BORCS5: variants seen among roughly 807,000 people sequenced by gnomAD.
BORCS5 encodes the protein BLOC-1 related complex subunit 5, also known as BLOC-1-related complex subunit 5.
In BORCS5, 17 loss-of-function variants were observed where a neutral mutation model predicts 22.1. The observed-to-expected ratio is 0.77, with a 90% CI of 0.53 to 1.15. The LOEUF is 1.15. Ranked by LOEUF, BORCS5 falls within the 50% of genes most tolerant of loss-of-function variation. The pLI, the probability that BORCS5 is intolerant of heterozygous loss-of-function variation, is 0.00. For missense variants in BORCS5, 247 were observed against 253.2 expected (o/e 0.98, Z 0.17); for synonymous variants, 117 against 99.8 (o/e 1.17, Z -1.03).
At chr12:12,453,583 C>T (rs1397952368) in intron 3 of BORCS5, among the ~76,000 whole-genome samples, 2 of 152,128 alleles carry the variant, frequency 1.3e-5, no homozygotes, top group Non-Finnish European at 2.9e-5. Flanking sequence ...GAGTCCAAGT[C>T]AGATTTAAAG....
At position 12,369,093 on chromosome 12, in the gene BORCS5, C is replaced by T. The variant is rs191298019; in HGVS notation, c.202+7744C>T. Among the ~76,000 whole-genome samples the T allele has an allele frequency of 5.1e-3, 773 of 152,132 alleles. 2 individuals carry two copies. The highest frequency in any genetic ancestry group is 8.7e-3 in the Non-Finnish European group (592 of 67,988). ...TCTATTCTGGTTATTCCATTGGTTT[C>T]TACTTTGTGTGTTTTGAAAGTCTAT... On this transcript the variant is annotated intron_variant, in intron 2 of 3. Coordinates refer to ENST00000314565, the MANE Select transcript of BORCS5 (RefSeq NM_058169.6).
intron 2 of BORCS5, among the ~76,000 whole-genome samples, chr12:12,364,755 A>G (rs1168277818): frequency 6.6e-6 from 1 of 152,198 alleles, no homozygotes; most frequent in Non-Finnish European, 1.5e-5. Context: ...TCACCTGAGC[A>G]CAGGAGTTTG....
intron 2 of BORCS5, among the ~76,000 whole-genome samples, chr12:12,409,691 C>T (rs566949990): frequency 2.1e-4 from 32 of 152,224 alleles, no homozygotes; most frequent in South Asian, 1.2e-3. Context: ...AATAAACATA[C>T]GTGTTCATGT....
intron 2 of BORCS5, among the ~76,000 whole-genome samples, chr12:12,395,264 A>T (rs1038384675): frequency 6.6e-6 from 1 of 150,530 alleles, no homozygotes; most frequent in Non-Finnish European, 1.5e-5. Context: ...AGGATGAGAC[A>T]ATTATTATTA....
intron 2 of BORCS5, among the ~76,000 whole-genome samples, chr12:12,366,440 A>G (rs1385125740): frequency 6.6e-6 from 1 of 152,226 alleles, no homozygotes; most frequent in South Asian, 2.1e-4. Flanking sequence ...AGTATAATTT[A>G]TGCTCCATAA....
In BORCS5 at chr12:12,436,784, A is replaced by T. The variant is rs548240699; in HGVS notation, c.360+999A>T. 3.9e-5 allele frequency among the ~76,000 whole-genome samples: 6 copies of T among 152,358 alleles called. No individual in the cohort carries two copies. In the South Asian group the frequency reaches 1.2e-3, roughly 32 times the overall value. ...AGATTTAAATTTGCCAACACCTCCA[A>T]CATTTTAGTGCTTAGCTTTCATAAA... On this transcript the variant is annotated intron_variant, in intron 3 of 3. Transcript: ENST00000314565.
At chr12:12,415,708 A>G (rs1167073716) in intron 2 of BORCS5, among the ~76,000 whole-genome samples, 1 of 151,834 alleles carries the variant, frequency 6.6e-6, no homozygotes, top group Non-Finnish European at 1.5e-5. Flanking sequence ...ATCCTTTTAT[A>G]TGCTCCTGAA....
At chr12:12,365,826 T>A (rs1239904639) in intron 2 of BORCS5, among the ~76,000 whole-genome samples, 1 of 152,176 alleles carries the variant, frequency 6.6e-6, no homozygotes, top group Non-Finnish European at 1.5e-5. Context: ...TTGCCTAAAG[T>A]CACATGGCTG....
chr12:12,396,882 C>T (rs996006326), intron 2 of BORCS5, among the ~76,000 whole-genome samples: 1 of 152,146 alleles, frequency 6.6e-6, no homozygotes, highest in Non-Finnish European at 1.5e-5. Context: ...AAAAAATGCT[C>T]AGCATACTTT....
intron 2 of BORCS5, among the ~76,000 whole-genome samples, chr12:12,406,804 T>TC (rs1291109794): frequency 3.3e-5 from 5 of 152,232 alleles, no homozygotes; most frequent in Admixed American, 6.5e-5. Context: ...ACCTTTTTTT[T>TC]TTTAAATAAA....
At chr12:12,374,534 G>A (rs895269933) in intron 2 of BORCS5, among the ~76,000 whole-genome samples, 1 of 151,920 alleles carries the variant, frequency 6.6e-6, no homozygotes, top group Non-Finnish European at 1.5e-5. Flanking sequence ...CAGCTACTTG[G>A]GAGGCTGAAG....
chr12:12,424,671 C>T (rs1285604646), intron 2 of BORCS5, among the ~76,000 whole-genome samples: 1 of 151,206 alleles, frequency 6.6e-6, no homozygotes, highest in South Asian at 2.1e-4. Context: ...AACAGATTCT[C>T]CCCCTTCTCT....
At chr12:12,366,155 A>G (rs76372147) in intron 2 of BORCS5, among the ~76,000 whole-genome samples, 2,843 of 152,316 alleles carry the variant, frequency 0.019, 119 homozygotes, top group East Asian at 0.16. Context: ...TAAAAAGGCC[A>G]CACAGTGAAG....
chr12:12,372,269 A>G (rs1179261676), intron 2 of BORCS5, among the ~76,000 whole-genome samples: 4 of 152,140 alleles, frequency 2.6e-5, no homozygotes, highest in Non-Finnish European at 5.9e-5. Context: ...TGAACTCCTG[A>G]CCTCAGGTGA....
At chr12:12,420,143 T>C (rs980100344) in intron 2 of BORCS5, among the ~76,000 whole-genome samples, 1 of 147,562 alleles carries the variant, frequency 6.8e-6, no homozygotes, top group Non-Finnish European at 1.5e-5. Context: ...TGAATGGTAT[T>C]GCCTAGGTTT....
chr12:12,375,352 A>G (rs1489119783), intron 2 of BORCS5, among the ~76,000 whole-genome samples: 6 of 152,016 alleles, frequency 3.9e-5, no homozygotes, highest in African/African-American at 1.4e-4. Flanking sequence ...GGCCTGGTGC[A>G]GTGGCTGATG....
intron 2 of BORCS5, among the ~76,000 whole-genome samples, chr12:12,411,761 T>C (rs1055094408): frequency 6.6e-6 from 1 of 152,234 alleles, no homozygotes; most frequent in African/African-American, 2.4e-5. Context: ...TTTATTGTTT[T>C]AGATCTTACA....
Position 12,468,907 on chromosome 12 carries a change from CAT to C in BORCS5, c.*3137_*3138del, listed in dbSNP as rs1943242697. 3 of 152,258 alleles carry C rather than the reference CAT, an allele frequency of 2.0e-5. No homozygotes were observed. Among genetic ancestry groups the C allele is most frequent in the South Asian group, 4.1e-4 (2 of 4,826 alleles). 9.4% of individuals were successfully genotyped at this position (152,258 alleles called of 1,614,324 possible). A position where few individuals can be genotyped will look rare whatever the true frequency, so the allele number is the denominator to read the frequency against. ...GCTATATATGGTTTTATAGACCACA[CAT>C]ATATAGTTTCCTGTGTCTTAGATGA... is the stretch of plus-strand genomic sequence containing the variant. On this transcript the variant is annotated 3_prime_UTR_variant, in exon 4 of 4. Transcript: ENST00000314565.
At chr12:12,434,727 T>C (rs4763828) in intron 2 of BORCS5, among the ~76,000 whole-genome samples, 29,389 of 152,244 alleles carry the variant, frequency 0.19, 3,708 homozygotes, top group African/African-American at 0.36. Flanking sequence ...GGGTTATCAT[T>C]ATATTTAAAT....
Sources: allele counts gnomAD v4.1 joint callset (sites outside exome capture counted in the v4.1 genomes callset), GRCh38; gene constraint gnomAD v4.1.1; transcripts MANE v1.5; gene names NCBI Gene and HGNC (gene_info 2026-07-23, HGNC 2026-07-21).